The following TSPAN33 variants were observed in gnomAD, a reference collection of about 807,000 sequenced individuals.
TSPAN33 encodes tetraspanin-33.
A neutral mutation model predicts 34.8 loss-of-function variants in TSPAN33; 27 were observed. The observed-to-expected ratio is 0.78, with a 90% CI of 0.57 to 1.07. The LOEUF (loss-of-function observed/expected upper bound fraction) is 1.07. TSPAN33 is among the 50% of genes least tolerant of loss of function. The pLI, the probability that TSPAN33 is intolerant of heterozygous loss-of-function variation, is 0.00. For synonymous variants in TSPAN33, 119 were observed against 124.2 expected, an observed-to-expected ratio of 0.96 and a Z score of 0.28; for missense variants, 272 against 324.9, an observed-to-expected ratio of 0.84 and a Z score of 1.25.
chr7:129,153,826 A>C (rs1366114692), intron 1 of TSPAN33, among the ~76,000 whole-genome samples: 1 of 152,080 alleles, frequency 6.6e-6, no homozygotes, highest in Non-Finnish European at 1.5e-5. Flanking sequence ...CTGTAGTCCC[A>C]GCTACTCAGG....
rs1309060861 is a variant in TSPAN33 at position 129,164,511 on chromosome 7, T to C, written c.401T>C (p.Ile134Thr). 27 of 1,614,076 alleles carry C rather than the reference T, an allele frequency of 1.7e-5. No individual in the cohort carries two copies. The highest frequency in any genetic ancestry group is 2.3e-5 in the Non-Finnish European group (27 of 1,179,984). ...GTGAGTGAGATCATCAACAATGCCA[T>C]TGTGCACTACCGAGATGACTTGGAT... ...GKVSEIINNAIVHYRDDLDLQ... is the reference protein window; with the variant it reads ...GKVSEIINNATVHYRDDLDLQ... The change falls in exon 5 of 8, where the codon ATT becomes ACT. Residue 134 changes from isoleucine (I) to threonine (T), a missense_variant. Ile to Thr is a moderately conservative substitution (Grantham distance 89). Transcript: ENST00000486685.
chr7:129,153,299 A>G (rs1159361786), intron 1 of TSPAN33, among the ~76,000 whole-genome samples: 6 of 152,090 alleles, frequency 3.9e-5, no homozygotes, highest in South Asian at 4.2e-4. Flanking sequence ...GGTGATGATA[A>G]AGCACTGCAC....
rs531307245 is a variant in TSPAN33 at position 129,162,711 on chromosome 7, T to C, written c.289-122T>C. The C allele has an allele frequency of 1.4e-4, 199 of 1,411,792 alleles. 1 individual carries two copies. In the East Asian group the frequency reaches 4.4e-3, roughly 31 times the overall value. 87.5% of individuals were successfully genotyped at this position (1,411,792 alleles called of 1,614,324 possible). A position where few individuals can be genotyped will look rare whatever the true frequency, so the allele number is the denominator to read the frequency against. On this transcript the variant is annotated intron_variant, in intron 3 of 7. Transcript: ENST00000486685. ...CCCAAGACAGTGTCCCAGAGGCAGC[T>C]GCCTTTCTCATGTGTGGGGCATCTG...
intron 3 of TSPAN33, 51 bp downstream of exon 3, chr7:129,162,572 C>A: frequency 1.2e-6 from 2 of 1,602,882 alleles, no homozygotes; most frequent in Non-Finnish European, 1.7e-6. Context: ...CCCCATCATG[C>A]CTCTTAGCCT....
chr7:129,153,182 A>G (rs765884887), intron 1 of TSPAN33, among the ~76,000 whole-genome samples: 11 of 152,154 alleles, frequency 7.2e-5, no homozygotes, highest in Non-Finnish European at 1.5e-4. Context: ...GAATAGGCAA[A>G]TCCATAGAGA....
intron 1 of TSPAN33, among the ~76,000 whole-genome samples, chr7:129,157,256 G>A (rs566069144): frequency 1.1e-4 from 17 of 152,224 alleles, no homozygotes; most frequent in Admixed American, 7.9e-4. Context: ...AAAAAGAGGT[G>A]AGTGGCCAAA....
intron 1 of TSPAN33, among the ~76,000 whole-genome samples, chr7:129,149,562 A>AG (rs527854642): frequency 1.3e-5 from 2 of 152,350 alleles, no homozygotes; most frequent in African/African-American, 4.8e-5. Context: ...TCAAAAAAAA[A>AG]GAAAAAAGAA....
chr7:129,165,950 T>C lies in TSPAN33; in HGVS notation c.460-828T>C, dbSNP rs73230565. Among the ~76,000 whole-genome samples the C allele has an allele frequency of 4.0e-3, 542 of 134,022 alleles. 6 individuals carry two copies. The highest frequency in any genetic ancestry group is 0.014 in the African/African-American group (504 of 36,560). The allele number at this position is 134,022 out of a possible 152,430, so 87.9% of individuals were successfully genotyped here. A position where few individuals can be genotyped will look rare whatever the true frequency, so the allele number is the denominator to read the frequency against. The stretch of plus-strand genomic sequence containing the variant: ...AAAAATAAAAGTTAACTTTTTTTTT[T>C]CCCTGAGACGGAGTCTTGCTCTGTT... On this transcript the variant is annotated intron_variant, in intron 5 of 7. Coordinates refer to ENST00000486685, the MANE Select transcript of TSPAN33 (RefSeq NM_178562.5). This position sits in a 1 kb window ranked among gnomAD's most constrained non-coding sequence, Gnocchi z 4.5.
chr7:129,168,076 T>G lies in TSPAN33; in HGVS notation c.*202T>G. 9.6e-7 allele frequency: 1 copy of G among 1,046,584 alleles called. No individual in the cohort carries two copies. Among genetic ancestry groups the G allele is most frequent in the Non-Finnish European group, 1.3e-6 (1 of 749,174 alleles). The allele number at this position is 1,046,584 out of a possible 1,614,324, so 64.8% of individuals were successfully genotyped here. ...AGGAGGATGCGCCTCCTCTCCCCCA[T>G]CCCAGCCCTCAGCATTGTGCCAGAG... On this transcript the variant is annotated 3_prime_UTR_variant, in exon 8 of 8. Coordinates refer to ENST00000486685, the MANE Select transcript of TSPAN33 (RefSeq NM_178562.5).
chr7:129,149,998 TGA>T (rs1434098031), intron 1 of TSPAN33, among the ~76,000 whole-genome samples: 1 of 152,214 alleles, frequency 6.6e-6, no homozygotes, highest in Non-Finnish European at 1.5e-5. Flanking sequence ...TAGGGAGGAC[TGA>T]GAAACCAGAG....
chr7:129,156,440 G>A (rs1810665666), intron 1 of TSPAN33, among the ~76,000 whole-genome samples: 1 of 152,184 alleles, frequency 6.6e-6, no homozygotes, highest in Non-Finnish European at 1.5e-5. Flanking sequence ...AAGGAGTAAG[G>A]AGTTAAGCTC....
At chr7:129,155,463 C>T (rs545473384) in intron 1 of TSPAN33, among the ~76,000 whole-genome samples, 7 of 152,316 alleles carry the variant, frequency 4.6e-5, no homozygotes, top group African/African-American at 1.7e-4. Flanking sequence ...GATCATTAAA[C>T]ATTGTACACA....
Position 129,162,463 on chromosome 7 carries a change from T to A in TSPAN33, c.230T>A (p.Leu77Gln). The A allele has an allele frequency of 6.2e-7, 1 of 1,614,020 alleles. No individual in the cohort carries two copies. Among genetic ancestry groups the A allele is most frequent in the East Asian group, 2.2e-5 (1 of 44,880 alleles). The change falls in exon 3 of 8, where the codon CTG (leucine) becomes CAG (glutamine). Residue 77 changes from leucine (L) to glutamine (Q), a missense_variant. Transcript: ENST00000486685. ...LLIVVGVLMF[L>Q]LTFCGCIGSL... is the part of the protein sequence containing the mutation. The stretch of plus-strand genomic sequence containing the variant: ...ATCGTGGTGGGTGTCCTCATGTTCC[T>A]GCTCACCTTCTGTGGCTGCATTGGG...
chr7:129,153,611 A>G (rs1288957772), intron 1 of TSPAN33, among the ~76,000 whole-genome samples: 1 of 151,396 alleles, frequency 6.6e-6, no homozygotes, highest in East Asian at 1.9e-4. Flanking sequence ...AAAGTTACAT[A>G]TGGACTGTAA....
chr7:129,145,825 T>C (rs1810513038), intron 1 of TSPAN33, among the ~76,000 whole-genome samples: 2 of 151,778 alleles, frequency 1.3e-5, no homozygotes, highest in African/African-American at 4.8e-5. Flanking sequence ...CTGCCGTTCA[T>C]TGTTGACTTG....
intron 3 of TSPAN33, 79 bp from the exon 4 acceptor site, chr7:129,162,754 C>A: frequency 6.6e-7 from 1 of 1,521,904 alleles, no homozygotes; most frequent in Middle Eastern, 1.7e-4. Context: ...TGCCTGGCAG[C>A]TCCCAGCATC....
At chr7:129,149,715 T>C (rs1810567783) in intron 1 of TSPAN33, among the ~76,000 whole-genome samples, 1 of 152,218 alleles carries the variant, frequency 6.6e-6, no homozygotes, top group East Asian at 1.9e-4. Flanking sequence ...AAGCCAGCCG[T>C]GGCCTGAGGA....
intron 1 of TSPAN33, among the ~76,000 whole-genome samples, chr7:129,157,844 A>G (rs1268529047): frequency 2.0e-5 from 3 of 152,248 alleles, no homozygotes; most frequent in African/African-American, 7.2e-5. Context: ...GGATCTGGAC[A>G]GTGTATTAGT....
chr7:129,153,227 G>T (rs1461618300), intron 1 of TSPAN33, among the ~76,000 whole-genome samples: 1 of 152,168 alleles, frequency 6.6e-6, no homozygotes, highest in East Asian at 1.9e-4. Context: ...GGGGCTGGGG[G>T]CGGAGGACAG....
Sources: allele counts gnomAD v4.1 joint callset (sites outside exome capture counted in the v4.1 genomes callset), GRCh38; gene constraint gnomAD v4.1.1; non-coding constraint Gnocchi (gnomAD v3.1); transcripts MANE v1.5; gene names NCBI Gene and HGNC (gene_info 2026-07-23, HGNC 2026-07-21).